The following C7orf25 variants were observed in gnomAD, a reference collection of about 807,000 sequenced individuals.
The protein encoded by C7orf25 is UPF0415 protein C7orf25.
In C7orf25, 14 loss-of-function variants were observed where a neutral mutation model predicts 25.5. The ratio of observed to expected loss-of-function variants is 0.55; its 90% CI spans 0.36 to 0.86. C7orf25 has a LOEUF of 0.86. Ranked by LOEUF, C7orf25 falls within the 40% of genes least tolerant of loss-of-function variation. The pLI is 0.01. For synonymous variants in C7orf25, 184 were observed against 179.9 expected, an observed-to-expected ratio of 1.02 and a Z score of -0.18; for missense variants, 405 against 493.9, an observed-to-expected ratio of 0.82 and a Z score of 1.71.
At position 42,909,969 on chromosome 7, in the gene C7orf25, A is replaced by G. The variant is rs778810928; in HGVS notation, c.932T>C (p.Phe311Ser). ...TCCTAAGGTATCTAAAATAGACTGA[A>G]AGTCCTTGACAGCAGATTCACAAGC... ...LFACESAVKDFQSILDTLGGP... is the reference protein window; with the variant it reads ...LFACESAVKDSQSILDTLGGP... Residue 311 changes from phenylalanine to serine, a missense_variant, in exon 2 of 2, where the codon TTT becomes TCT. Phe to Ser is a radical substitution (Grantham distance 155). Transcript: ENST00000350427. The G allele has an allele frequency of 6.2e-7, 1 of 1,614,120 alleles. No individual in the cohort carries two copies. Among genetic ancestry groups the G allele is most frequent in the South Asian group, 1.1e-5 (1 of 91,068 alleles).
In C7orf25 at chr7:42,910,313, G is replaced by A. The variant is rs148473262; in HGVS notation, c.588C>T (p.Asn196=). The change falls in exon 2 of 2, where the codon AAC becomes AAT. Residue 196 remains asparagine (N), a synonymous_variant. Coordinates refer to ENST00000350427, the MANE Select transcript of C7orf25 (RefSeq NM_001099858.2). ...ISVRGDIVAV[N]ALLDHPEELQ... is the part of the protein sequence containing the mutation. The stretch of plus-strand genomic sequence containing the variant: ...GCTCTTCAGGGTGATCTAACAGAGC[G>A]TTGACTGCTACTATGTCTCCTCTCA... 1.7e-4 allele frequency: 272 copies of A among 1,614,178 alleles called. No homozygotes were observed. The African/African-American group carries it at 2.9e-3, about 17-fold the overall frequency.
rs749306754 is a variant in C7orf25, at chr7:42,909,962, A to G, written c.939T>C (p.Ser313=). The change falls in exon 2 of 2, where the codon TCT becomes TCC. Residue 313 remains serine (S), a synonymous_variant. Transcript: ENST00000350427. ...CAGGTCCTCCTAAGGTATCTAAAAT[A>G]GACTGAAAGTCCTTGACAGCAGATT... ...ACESAVKDFQ[S]ILDTLGGPGE... 1 of 1,614,228 alleles carries G rather than the reference A, an allele frequency of 6.2e-7. No homozygotes were observed. The highest frequency in any genetic ancestry group is 8.5e-7 in the Non-Finnish European group (1 of 1,180,040).
Position 42,912,006 on chromosome 7 carries a change from C to T in C7orf25, c.-113G>A. 6.7e-7 allele frequency: 1 copy of T among 1,487,902 alleles called. No homozygotes were observed. The highest frequency in any genetic ancestry group is 2.3e-5 in the Admixed American group (1 of 43,750). 92.2% of individuals were successfully genotyped at this position (1,487,902 alleles called of 1,614,324 possible). ...AAATCTCAACCGGGCAGCCCCCACC[C>T]CGCTCGAACGCCGAGGCGGCTCCAC... is the stretch of plus-strand genomic sequence containing the variant. On this transcript the variant is annotated 5_prime_UTR_variant, in exon 1 of 2. Coordinates refer to ENST00000350427, the MANE Select transcript of C7orf25 (RefSeq NM_001099858.2).
chr7:42,910,032 G>T lies in C7orf25; in HGVS notation c.869C>A (p.Pro290His). Residue 290 changes from proline to histidine, a missense_variant, in exon 2 of 2, where the codon CCT (proline) becomes CAT (histidine). By Grantham distance (77) the Pro-to-His change is moderately conservative. Transcript: ENST00000350427. ...GTCCTTCATAAAGGCCTCCAGCTGA[G>T]GTAGAACCTGCTCTTTCCTCTCTTG... ...AEQERKEQVL[P>H]QLEAFMKDKE... The T allele has an allele frequency of 6.2e-7, 1 of 1,614,128 alleles. No homozygotes were observed.
At position 42,912,039 on chromosome 7, in the gene C7orf25, AG is replaced by A. The variant is rs535406023; in HGVS notation, c.-147del. 144 of 1,469,204 alleles carry A rather than the reference AG, an allele frequency of 9.8e-5. 1 individual carries two copies. The South Asian group carries it at 1.8e-3, about 18-fold the overall frequency. 91.0% of individuals were successfully genotyped at this position (1,469,204 alleles called of 1,614,324 possible). ...ACGCCGAGGCGGCTCCACCCGCGCG[AG>A]CCCCGCCGCCTCGGGCACCTCCTGC... On this transcript the variant is annotated 5_prime_UTR_variant, in exon 1 of 2. The change creates a premature stop within an existing upstream ORF in the 5' untranslated region. Transcript: ENST00000350427.
intron 1 of C7orf25, 105 bp downstream of exon 1, chr7:42,911,810 G>C: frequency 1.6e-6 from 2 of 1,285,532 alleles, no homozygotes; most frequent in Non-Finnish European, 2.0e-6. Flanking sequence ...CGCTGATAGC[G>C]CGCGGCCGAC....
Position 42,910,513 on chromosome 7 carries a change from T to C in C7orf25, c.388A>G (p.Ile130Val), listed in dbSNP as rs1367947911. 3 of 1,614,266 alleles carry C rather than the reference T, an allele frequency of 1.9e-6. No individual in the cohort carries two copies. The highest frequency in any genetic ancestry group is 2.5e-6 in the Non-Finnish European group (3 of 1,180,050). ...CCATATTGGCCCCTGCCCAGCCAGA[T>C]GTTATGAAGAGCTTCAGCCTTCCGG... Reference protein sequence around the residue: ...IGRKAEALHNIWLGRGQYGDK... With the variant: ...IGRKAEALHNVWLGRGQYGDK... The change falls in exon 2 of 2, where the codon ATC becomes GTC. Residue 130 changes from isoleucine (I) to valine (V), a missense_variant. Transcript: ENST00000350427.
rs780614630 is a variant in C7orf25, at chr7:42,910,868, G to C, written c.33C>G (p.Ile11Met). The C allele has an allele frequency of 6.2e-7, 1 of 1,613,972 alleles. No individual in the cohort carries two copies. Among genetic ancestry groups the C allele is most frequent in the Non-Finnish European group, 8.5e-7 (1 of 1,180,030 alleles). ...TCTTGATCAGTTCCTTGGCTATGGC[G>C]ATTCGTTCACAGAGCATGGAATGTG... MSAHSMLCER[I>M]AIAKELIKRA... Residue 11 changes from isoleucine (I) to methionine (M), a missense_variant, in exon 2 of 2, where the codon ATC (isoleucine) becomes ATG (methionine). Ile to Met is a conservative substitution (Grantham distance 10, BLOSUM62 1). Transcript: ENST00000350427.
At chr7:42,911,230 C>A in intron 1 of C7orf25, 1 of 589,676 alleles carries the variant, frequency 1.7e-6, no homozygotes, top group Non-Finnish European at 2.7e-6. Flanking sequence ...GGGCAATCTG[C>A]TATATAAATA....
At position 42,910,541 on chromosome 7, in the gene C7orf25, A is replaced by G. The variant is rs1248465269; in HGVS notation, c.360T>C (p.Ile120=). ...ANGGHTWVKA[I]GRKAEALHNI... ...TATGAAGAGCTTCAGCCTTCCGGCC[A>G]ATGGCTTTCACCCAAGTATGACCAC... The change falls in exon 2 of 2, where the codon ATT becomes ATC. Residue 120 remains isoleucine (I), a synonymous_variant. Coordinates refer to ENST00000350427, the MANE Select transcript of C7orf25 (RefSeq NM_001099858.2). 1.2e-6 allele frequency: 2 copies of G among 1,614,234 alleles called. No homozygotes were observed. Among genetic ancestry groups the G allele is most frequent in the South Asian group, 1.1e-5 (1 of 91,088 alleles).
In C7orf25 at chr7:42,910,767, T is replaced by C; in HGVS notation, c.134A>G (p.Glu45Gly). The change falls in exon 2 of 2, where the codon GAA becomes GGA. Residue 45 changes from glutamate to glycine, a missense_variant. Coordinates refer to ENST00000350427, the MANE Select transcript of C7orf25 (RefSeq NM_001099858.2). ...GAKLCSKLKA[E>G]LKFLQKVEAG... ...TTCTACTTTCTGCAAGAATTTTAATTCTGCCTTCAATTTGCTGCACAGCTT... is the reference window on the plus strand; with the variant it reads ...TTCTACTTTCTGCAAGAATTTTAATCCTGCCTTCAATTTGCTGCACAGCTT... The C allele has an allele frequency of 6.2e-7, 1 of 1,614,224 alleles. No individual in the cohort carries two copies. The highest frequency in any genetic ancestry group is 8.5e-7 in the Non-Finnish European group (1 of 1,180,036).
chr7:42,909,508 A>C lies in C7orf25; in HGVS notation c.*127T>G, dbSNP rs1785829518. 2 of 976,960 alleles carry C rather than the reference A, an allele frequency of 2.0e-6. No homozygotes were observed. The highest frequency in any genetic ancestry group is 3.0e-6 in the Non-Finnish European group (2 of 672,808). The allele number at this position is 976,960 out of a possible 1,614,324, so 60.5% of individuals were successfully genotyped here. A position where few individuals can be genotyped will look rare whatever the true frequency, so the allele number is the denominator to read the frequency against. On this transcript the variant is annotated 3_prime_UTR_variant, in exon 2 of 2. Transcript: ENST00000350427. ...ATATACTTTAGATGAGAGACAAAGAAACTCTACTGGTTTAAGAGTTCTCAG... is the reference window on the plus strand; with the variant it reads ...ATATACTTTAGATGAGAGACAAAGACACTCTACTGGTTTAAGAGTTCTCAG...
intron 1 of C7orf25, chr7:42,911,659 G>A: frequency 4.5e-6 from 5 of 1,117,434 alleles, no homozygotes; most frequent in Non-Finnish European, 5.5e-6. Flanking sequence ...GTCGCCGGGT[G>A]GGCGGGCCAG....
chr7:42,911,079 T>G, intron 1 of C7orf25, 158 bp from the exon 2 acceptor site: 1 of 1,220,028 alleles, frequency 8.2e-7, no homozygotes, highest in Non-Finnish European at 1.2e-6. Context: ...GACTGCTTCC[T>G]CTGATAGCTA....
chr7:42,911,467 C>T (rs1785893464), intron 1 of C7orf25: 1 of 1,001,182 alleles, frequency 1.0e-6, no homozygotes, highest in African/African-American at 1.7e-5. Flanking sequence ...GGGGTACTTA[C>T]GCCAAAAAAA....
At chr7:42,911,359 T>C (rs2128671968) in intron 1 of C7orf25, 2 of 1,166,816 alleles carry the variant, frequency 1.7e-6, no homozygotes, top group Non-Finnish European at 2.1e-6. Flanking sequence ...CCAAAGCAAG[T>C]GTCTGTCCTA....
In C7orf25 at chr7:42,910,535, C is replaced by T. The variant is rs771450255; in HGVS notation, c.366G>A (p.Arg122=). The change falls in exon 2 of 2, where the codon CGG becomes CGA. Residue 122 remains arginine (R), a synonymous_variant. Transcript: ENST00000350427. The part of the protein sequence containing the change: ...GGHTWVKAIG[R]KAEALHNIWL... ...AGATGTTATGAAGAGCTTCAGCCTT[C>T]CGGCCAATGGCTTTCACCCAAGTAT... 1.2e-6 allele frequency: 2 copies of T among 1,614,234 alleles called. No individual in the cohort carries two copies. The highest frequency in any genetic ancestry group is 1.3e-5 in the African/African-American group (1 of 75,070).
intron 1 of C7orf25, 141 bp from the exon 2 acceptor site, chr7:42,911,062 C>A: frequency 7.5e-7 from 1 of 1,334,300 alleles, no homozygotes; most frequent in Non-Finnish European, 1.0e-6. Flanking sequence ...ATGTCTCATT[C>A]TGGAGTGACT....
chr7:42,911,429 G>A, intron 1 of C7orf25: 1 of 1,009,070 alleles, frequency 9.9e-7, no homozygotes, highest in South Asian at 3.9e-5. Flanking sequence ...TCCTTCAACC[G>A]GCTGCCTCAT....
Sources: gnomAD v4.1 joint callset for allele counts on GRCh38, gnomAD v4.1.1 for gene constraint, MANE v1.5 for transcripts, NCBI Gene and HGNC (gene_info 2026-07-23, HGNC 2026-07-21) for gene names.